SCPEP1: variants seen among roughly 807,000 people sequenced by gnomAD.
The protein encoded by SCPEP1 is serine carboxypeptidase 1.
A neutral mutation model predicts 63.8 loss-of-function variants in SCPEP1; 51 were observed. That is an observed-to-expected ratio of 0.80 (90% CI 0.64 to 1.01). SCPEP1 has a LOEUF of 1.01. SCPEP1 is among the 50% of genes least tolerant of loss of function. SCPEP1 has a pLI of 0.00. For missense variants in SCPEP1, 499 were observed against 554.9 expected, an observed-to-expected ratio of 0.90 and a Z score of 1.01; for synonymous variants, 204 against 207.8, an observed-to-expected ratio of 0.98 and a Z score of 0.16.
Position 57,000,886 on chromosome 17 carries a change from G to C in SCPEP1, c.1026G>C (p.Glu342Asp), listed in dbSNP as rs370811374. 4.3e-6 allele frequency: 7 copies of C among 1,614,074 alleles called. No individual in the cohort carries two copies. In the African/African-American group the frequency reaches 9.3e-5, roughly 22 times the overall value. ...CTACCAACGTCTTTGTGAACATGGA[G>C]GAGGACTTCATGAAGCCAGTCATTA... ...GQATNVFVNM[E>D]EDFMKPVISI... is the part of the protein sequence containing the mutation. Residue 342 changes from glutamate to aspartate, a missense_variant, in exon 11 of 13, where the codon GAG (glutamate) becomes GAC (aspartate). By Grantham distance (45) the Glu-to-Asp change is conservative. Transcript: ENST00000262288.
chr17:56,978,435 T>A (rs1239894880), intron 1 of SCPEP1, among the ~76,000 whole-genome samples, 200 bp downstream of exon 1: 1 of 151,748 alleles, frequency 6.6e-6, no homozygotes, highest in African/African-American at 2.4e-5. Flanking sequence ...CTTTTCTGGC[T>A]CTGGGTGGTC....
chr17:56,998,172 A>G (rs1911626233), intron 9 of SCPEP1: 5 of 443,258 alleles, frequency 1.1e-5, no homozygotes, highest in African/African-American at 2.0e-5. Flanking sequence ...TGAGCTGGGC[A>G]TGGTGGCGGG....
chr17:56,993,520 T>C (rs889663991), intron 6 of SCPEP1, among the ~76,000 whole-genome samples: 7 of 152,354 alleles, frequency 4.6e-5, no homozygotes, highest in South Asian at 2.1e-4. Context: ...CTCGGCTCAC[T>C]GCAACCTCCG....
Position 56,978,240 on chromosome 17 carries a change from G to T in SCPEP1, c.76+5G>T, listed in dbSNP as rs765656267. ...TGCTGCTGGGCCTGAACGCAGGTAGGTTCAAGCAAGAGGCGCACCAGCTGC... is the reference window on the plus strand; with the variant it reads ...TGCTGCTGGGCCTGAACGCAGGTAGTTTCAAGCAAGAGGCGCACCAGCTGC... On this transcript the variant is annotated splice_donor_5th_base_variant and intron_variant, in intron 1 of 12. Coordinates refer to ENST00000262288, the MANE Select transcript of SCPEP1 (RefSeq NM_021626.3). 10 of 1,537,268 alleles carry T rather than the reference G, an allele frequency of 6.5e-6. No individual in the cohort carries two copies. The highest frequency in any genetic ancestry group is 8.7e-6 in the Non-Finnish European group (10 of 1,146,040).
In SCPEP1 at chr17:56,985,503, C is replaced by T. The variant is rs746062299; in HGVS notation, c.315+36C>T. On this transcript the variant is annotated intron_variant, in intron 3 of 12. Transcript: ENST00000262288. ...GACAGTCCTGAGCTAAACCTTGCCC[C>T]GTGGCCTCTCAGAGGCCCTGCCCAA... is the stretch of plus-strand genomic sequence containing the variant. 17 of 1,541,926 alleles carry T rather than the reference C, an allele frequency of 1.1e-5. 1 individual carries two copies. The Admixed American group carries it at 1.3e-4, about 12-fold the overall frequency.
At chr17:56,990,342 T>G (rs1467345724) in intron 5 of SCPEP1, among the ~76,000 whole-genome samples, 2 of 151,460 alleles carry the variant, frequency 1.3e-5, no homozygotes, top group Non-Finnish European at 2.9e-5. Context: ...TAAATAAGGG[T>G]TTTTTTTAAG....
At chr17:56,980,788 CAAAAAAAAAAA>C (rs10716600) in intron 1 of SCPEP1, among the ~76,000 whole-genome samples, 2 of 77,140 alleles carry the variant, frequency 2.6e-5, no homozygotes, top group Non-Finnish European at 5.0e-5. Context: ...GACTTCGTAT[CAAAAAAAAAAA>C]AAAAAAAAAA....
intron 3 of SCPEP1, 68 bp from the exon 4 acceptor site, chr17:56,987,627 A>T: frequency 6.5e-7 from 1 of 1,529,348 alleles, no homozygotes. Flanking sequence ...GCTAGTAGAA[A>T]ATGATCCAAA....
rs377343195 is a variant in SCPEP1, at chr17:57,002,086, G to A, written c.1201G>A (p.Ala401Thr). 1.9e-6 allele frequency: 3 copies of A among 1,614,204 alleles called. No individual in the cohort carries two copies. The highest frequency in any genetic ancestry group is 2.5e-6 in the Non-Finnish European group (3 of 1,180,016). Residue 401 changes from alanine (A) to threonine (T), a missense_variant, in exon 12 of 13, where the codon GCC becomes ACC. By Grantham distance (58) the Ala-to-Thr change is moderately conservative (BLOSUM62 0). Transcript: ENST00000262288. Reference sequence around the variant, plus strand: ...TAAATTCAGTCAGCTGAAGTGGAAGGCCCTGTACAGTGACCCTAAATCTTT... The same window carrying A: ...TAAATTCAGTCAGCTGAAGTGGAAGACCCTGTACAGTGACCCTAAATCTTT... Reference protein sequence around the residue: ...LPKFSQLKWKALYSDPKSLET... With the variant: ...LPKFSQLKWKTLYSDPKSLET...
intron 12 of SCPEP1, among the ~76,000 whole-genome samples, chr17:57,003,079 GC>G (rs1410827245): frequency 6.6e-6 from 1 of 152,082 alleles, no homozygotes; most frequent in Non-Finnish European, 1.5e-5. Context: ...AGGGAAGGGT[GC>G]CCTGCCCAGG....
At chr17:57,000,829 C>A in intron 10 of SCPEP1, 26 bp from the exon 11 acceptor site, 3 of 1,613,490 alleles carry the variant, frequency 1.9e-6, no homozygotes, top group South Asian at 2.2e-5. Context: ...CCAAGCTACT[C>A]CCTCTTTCTC....
intron 6 of SCPEP1, among the ~76,000 whole-genome samples, chr17:56,993,971 C>T (rs1774801444): frequency 6.6e-6 from 1 of 152,200 alleles, no homozygotes; most frequent in Admixed American, 6.5e-5. Context: ...GAAGGTTAAG[C>T]CCGGGAGGTG....
At position 56,995,555 on chromosome 17, in the gene SCPEP1, C is replaced by A. The variant is rs750998041; in HGVS notation, c.706C>A (p.Gln236Lys). 4 of 1,614,054 alleles carry A rather than the reference C, an allele frequency of 2.5e-6. No homozygotes were observed. In the South Asian group the frequency reaches 4.4e-5, roughly 18 times the overall value. The stretch of plus-strand genomic sequence containing the variant: ...GGCAGAGGTGTCTAAGGTTGCAGAG[C>A]AAGTACTGAATGCCGTAAATAAGGG... The part of the protein sequence containing the change: ...GLAEVSKVAE[Q>K]VLNAVNKGLY... The change falls in exon 8 of 13, where the codon CAA (glutamine) becomes AAA (lysine). Residue 236 changes from glutamine (Q) to lysine (K), a missense_variant. Gln to Lys is a moderately conservative substitution (Grantham distance 53). Transcript: ENST00000262288.
chr17:56,995,500 A>T lies in SCPEP1; in HGVS notation c.658-7A>T, dbSNP rs767983360. 2 of 1,609,958 alleles carry T rather than the reference A, an allele frequency of 1.2e-6. No individual in the cohort carries two copies. On this transcript the variant is annotated splice_polypyrimidine_tract_variant and splice_region_variant and intron_variant, in intron 7 of 12. Coordinates refer to ENST00000262288, the MANE Select transcript of SCPEP1 (RefSeq NM_021626.3). ...GTGGGTCTTTTTGCTCTTGGTTTGC[A>T]TTCCAGTCTCTTCTCGAAGACAAAG...
At chr17:57,000,274 A>G (rs1236129198) in intron 10 of SCPEP1, among the ~76,000 whole-genome samples, 1 of 152,328 alleles carries the variant, frequency 6.6e-6, no homozygotes, top group Non-Finnish European at 1.5e-5. Context: ...CTAGCAAATA[A>G]TGGTGGCTGC....
Position 57,000,869 on chromosome 17 carries a change from G to A in SCPEP1, c.1009G>A (p.Val337Ile), listed in dbSNP as rs759366924. ...CCCATGTGCAGGCCAGGCTACCAAC[G>A]TCTTTGTGAACATGGAGGAGGACTT... ...DQSWGGQATN[V>I]FVNMEEDFMK... The change falls in exon 11 of 13, where the codon GTC becomes ATC. Residue 337 changes from valine to isoleucine, a missense_variant. Coordinates refer to ENST00000262288, the MANE Select transcript of SCPEP1 (RefSeq NM_021626.3). 12 of 1,614,042 alleles carry A rather than the reference G, an allele frequency of 7.4e-6. No homozygotes were observed. Among genetic ancestry groups the A allele is most frequent in the South Asian group, 3.3e-5 (3 of 91,088 alleles).
Position 56,987,758 on chromosome 17 carries a change from G to A in SCPEP1, c.379G>A (p.Gly127Ser), listed in dbSNP as rs773813821. ...PVGTGFSYVN[G>S]SGAYAKDLAM... ...GGGCACTGGGTTCAGTTATGTGAAT[G>A]GTAGTGGTGCCTATGCCAAGGACCT... is the stretch of plus-strand genomic sequence containing the variant. Residue 127 changes from glycine to serine, a missense_variant, in exon 4 of 13, where the codon GGT (glycine) becomes AGT (serine). Physicochemically the swap from Gly to Ser is moderately conservative, Grantham distance 56 (BLOSUM62 0). Transcript: ENST00000262288. 10 of 1,614,072 alleles carry A rather than the reference G, an allele frequency of 6.2e-6. No homozygotes were observed. In the South Asian group the frequency reaches 8.8e-5, roughly 14 times the overall value.
Position 56,987,732 on chromosome 17 carries a change from T to C in SCPEP1, c.353T>C (p.Val118Ala). ...AGTCTCCTATTTGTGGATAATCCCG[T>C]GGGCACTGGGTTCAGTTATGTGAAT... ...AASLLFVDNP[V>A]GTGFSYVNGS... The change falls in exon 4 of 13, where the codon GTG becomes GCG. Residue 118 changes from valine (V) to alanine (A), a missense_variant. By Grantham distance (64) the Val-to-Ala change is moderately conservative. Coordinates refer to ENST00000262288, the MANE Select transcript of SCPEP1 (RefSeq NM_021626.3). 1 of 1,614,128 alleles carries C rather than the reference T, an allele frequency of 6.2e-7. No individual in the cohort carries two copies. Among genetic ancestry groups the C allele is most frequent in the South Asian group, 1.1e-5 (1 of 91,086 alleles).
At chr17:56,987,562 A>G in intron 3 of SCPEP1, 133 bp from the exon 4 acceptor site, 1 of 726,358 alleles carries the variant, frequency 1.4e-6, no homozygotes, top group Non-Finnish European at 2.0e-6. Flanking sequence ...AATCTCTTTT[A>G]GCAACAGGGA....
Sources: allele counts gnomAD v4.1 joint callset (sites outside exome capture counted in the v4.1 genomes callset), GRCh38; gene constraint gnomAD v4.1.1; transcripts MANE v1.5; gene names NCBI Gene and HGNC (gene_info 2026-07-23, HGNC 2026-07-21).